The following TMEM184B variants were observed in gnomAD, a reference collection of about 807,000 sequenced individuals.
TMEM184B encodes putative MAPK-activating protein FM08.
Under a neutral mutation model 41.8 loss-of-function variants are expected in TMEM184B, and 17 were observed. The observed-to-expected ratio is 0.41, with a 90% CI of 0.28 to 0.61. TMEM184B has a LOEUF of 0.61. Ranked by LOEUF, TMEM184B falls within the 20% of genes least tolerant of loss-of-function variation. The pLI, the probability that TMEM184B is intolerant of heterozygous loss-of-function variation, is 0.34. For synonymous variants in TMEM184B, 240 were observed against 229.5 expected (o/e 1.05, Z -0.41); for missense variants, 393 against 557.8 (o/e 0.70, Z 2.98).
intron 1 of TMEM184B, among the ~76,000 whole-genome samples, chr22:38,260,302 C>G (rs1213057075): frequency 6.6e-6 from 1 of 152,184 alleles, no homozygotes; most frequent in African/African-American, 2.4e-5. Context: ...GTGATCCACT[C>G]ACCTCAGCCT....
At chr22:38,224,637 C>T (rs1038284892) in intron 8 of TMEM184B, 148 bp downstream of exon 8, 3 of 765,512 alleles carry the variant, frequency 3.9e-6, no homozygotes, top group Middle Eastern at 8.0e-4. Flanking sequence ...TCTTCCCCGA[C>T]CTCTGTGGCC....
intron 3 of TMEM184B, among the ~76,000 whole-genome samples, chr22:38,245,582 T>C (rs1325825757): frequency 9.7e-5 from 12 of 124,346 alleles, no homozygotes; most frequent in South Asian, 2.9e-4. Context: ...GACGCCAGCA[T>C]TGAGAAGCGA....
At position 38,219,985 on chromosome 22, in the gene TMEM184B, A is replaced by C. The variant is rs1467390562; in HGVS notation, c.*1484T>G. ...GGCAGGGAGGGAACCTGTTCATTCC[A>C]GGAAGGACCAAAAGAAAGAATCCCC... On this transcript the variant is annotated 3_prime_UTR_variant, in exon 9 of 9. Transcript: ENST00000361906. 1.0e-6 allele frequency: 1 copy of C among 985,490 alleles called. No homozygotes were observed. Among genetic ancestry groups the C allele is most frequent in the Non-Finnish European group, 1.2e-6 (1 of 829,978 alleles). 61.0% of individuals were successfully genotyped at this position (985,490 alleles called of 1,614,324 possible).
intron 1 of TMEM184B, among the ~76,000 whole-genome samples, chr22:38,263,633 A>G (rs1602496747): frequency 6.6e-6 from 1 of 152,190 alleles, no homozygotes; most frequent in Non-Finnish European, 1.5e-5. Flanking sequence ...CAAATAAATC[A>G]TTTTGCACAC....
In TMEM184B at chr22:38,219,917, A is replaced by T; in HGVS notation, c.*1552T>A. On this transcript the variant is annotated 3_prime_UTR_variant, in exon 9 of 9. Coordinates refer to ENST00000361906, the MANE Select transcript of TMEM184B (RefSeq NM_012264.5). ...GCAGGCCTCTGCCACGAGGAAAGGA[A>T]GGAGGCCAGGAAGACGGCTGGGCCC... is the stretch of plus-strand genomic sequence containing the variant. 1 of 985,294 alleles carries T rather than the reference A, an allele frequency of 1.0e-6. No individual in the cohort carries two copies. Among genetic ancestry groups the T allele is most frequent in the Non-Finnish European group, 1.2e-6 (1 of 829,898 alleles). 61.0% of individuals were successfully genotyped at this position (985,294 alleles called of 1,614,324 possible).
At chr22:38,249,389 A>G (rs2092113837) in intron 1 of TMEM184B, among the ~76,000 whole-genome samples, 1 of 152,112 alleles carries the variant, frequency 6.6e-6, no homozygotes, top group Admixed American at 6.5e-5. Context: ...GCCTCAAGCA[A>G]TTCTCCTGTC....
chr22:38,272,224 G>T (rs775072249), intron 1 of TMEM184B, among the ~76,000 whole-genome samples: 6 of 152,226 alleles, frequency 3.9e-5, no homozygotes, highest in Non-Finnish European at 7.3e-5. Flanking sequence ...CCCAGCACTG[G>T]AGGTAAGTGG....
intron 1 of TMEM184B, among the ~76,000 whole-genome samples, chr22:38,256,405 G>T (rs1246632225): frequency 6.6e-6 from 1 of 151,808 alleles, no homozygotes; most frequent in Non-Finnish European, 1.5e-5. Flanking sequence ...GTAGAGACAG[G>T]TTTTCACCTT....
chr22:38,224,837 C>G lies in TMEM184B; in HGVS notation c.930G>C (p.Leu310=). 6.2e-7 allele frequency: 1 copy of G among 1,613,514 alleles called. No individual in the cohort carries two copies. The highest frequency in any genetic ancestry group is 1.1e-5 in the South Asian group (1 of 91,060). The change falls in exon 8 of 9, where the codon CTG becomes CTC. Residue 310 remains leucine, a synonymous_variant. Transcript: ENST00000361906. Reference sequence around the variant, plus strand: ...AGACCTTGTAGGTGAAGGCGTGCCGCAGGGCCAGGGCTGCAAAGAACATCT... The same window carrying G: ...AGACCTTGTAGGTGAAGGCGTGCCGGAGGGCCAGGGCTGCAAAGAACATCT... ...CVEMFFAALA[L]RHAFTYKVYA...
chr22:38,250,161 C>G (rs1390834142), intron 1 of TMEM184B, among the ~76,000 whole-genome samples: 1 of 152,234 alleles, frequency 6.6e-6, no homozygotes, highest in Non-Finnish European at 1.5e-5. Context: ...GGAGGTTTCC[C>G]TGGGCCTTCC....
At position 38,219,726 on chromosome 22, in the gene TMEM184B, G is replaced by A; in HGVS notation, c.*1743C>T. The A allele has an allele frequency of 1.0e-6, 1 of 985,724 alleles. No individual in the cohort carries two copies. Among genetic ancestry groups the A allele is most frequent in the Non-Finnish European group, 1.2e-6 (1 of 830,138 alleles). 61.1% of individuals were successfully genotyped at this position (985,724 alleles called of 1,614,324 possible). On this transcript the variant is annotated 3_prime_UTR_variant, in exon 9 of 9. Transcript: ENST00000361906. ...GAATCAGCAGCACTTTGGCCTGGAG[G>A]GAGAAGGGAAGCCACGGTGGAGAGA...
At chr22:38,254,204 C>CAAA (rs61216492) in intron 1 of TMEM184B, among the ~76,000 whole-genome samples, 23,777 of 85,798 alleles carry the variant, frequency 0.28, 2,892 homozygotes, top group East Asian at 0.37. Flanking sequence ...CTCTTGTCTC[C>CAAA]AAAAAAAAAA....
intron 1 of TMEM184B, among the ~76,000 whole-genome samples, chr22:38,253,942 T>C (rs1240473014): frequency 6.6e-6 from 1 of 152,194 alleles, no homozygotes; most frequent in East Asian, 1.9e-4. Flanking sequence ...GGTTCACACC[T>C]GTAATCCCAG....
chr22:38,238,613 T>C (rs927940808), intron 3 of TMEM184B, among the ~76,000 whole-genome samples: 1 of 152,254 alleles, frequency 6.6e-6, no homozygotes, highest in African/African-American at 2.4e-5. Flanking sequence ...CTCTGGCTCT[T>C]GTGTGGCCCT....
chr22:38,271,504 T>C (rs2092521984), intron 1 of TMEM184B, among the ~76,000 whole-genome samples: 1 of 152,180 alleles, frequency 6.6e-6, no homozygotes, highest in Non-Finnish European at 1.5e-5. Context: ...CAGAAAAGCC[T>C]CAGATGAACG....
At chr22:38,270,337 T>C (rs1376784138) in intron 1 of TMEM184B, among the ~76,000 whole-genome samples, 1 of 152,174 alleles carries the variant, frequency 6.6e-6, no homozygotes, top group East Asian at 1.9e-4. Flanking sequence ...CCCTACAAAA[T>C]GCAGACAGTG....
At position 38,238,079 on chromosome 22, in the gene TMEM184B, T is replaced by A. The variant is rs2091821602; in HGVS notation, c.359-6745A>T. Among the ~76,000 whole-genome samples the A allele has an allele frequency of 2.0e-5, 3 of 151,240 alleles. No homozygotes were observed. In the South Asian group the frequency reaches 6.3e-4, roughly 32 times the overall value. On this transcript the variant is annotated intron_variant, in intron 3 of 8. Transcript: ENST00000361906. ...CCTCCCAAAGTGCTGGGATTACAGG[T>A]GTGAGCCACTGCGCCCAGCCCCCTC...
At chr22:38,233,659 G>A (rs954029795) in intron 3 of TMEM184B, among the ~76,000 whole-genome samples, 7 of 152,238 alleles carry the variant, frequency 4.6e-5, no homozygotes, top group African/African-American at 7.2e-5. Context: ...ATGTCAGCCT[G>A]CCAGTAACCT....
chr22:38,267,428 CT>C (rs1307104788), intron 1 of TMEM184B, among the ~76,000 whole-genome samples: 1 of 151,704 alleles, frequency 6.6e-6, no homozygotes, highest in African/African-American at 2.4e-5. Context: ...CCAACCACCC[CT>C]AATATCTTTT....
Sources: gnomAD v4.1 joint callset for allele counts (sites outside exome capture counted in the v4.1 genomes callset) on GRCh38, gnomAD v4.1.1 for gene constraint, MANE v1.5 for transcripts, NCBI Gene and HGNC (gene_info 2026-07-23, HGNC 2026-07-21) for gene names.